Variants in TOP2B observed in about 807,000 individuals in gnomAD.
TOP2B encodes the protein DNA topoisomerase 2-beta.
Under a neutral mutation model 193.5 loss-of-function variants are expected in TOP2B, and 51 were observed. That is an observed-to-expected ratio of 0.26 (90% CI 0.21 to 0.33). TOP2B has a LOEUF of 0.33. TOP2B is among the 10% of genes least tolerant of loss of function. The pLI is 1.00. For missense variants in TOP2B, 1,378 were observed against 1,909.3 expected (o/e 0.72, Z 5.19); for synonymous variants, 634 against 635.7 (o/e 1.00, Z 0.04).
At chr3:25,647,426 A>C (rs1347513490) in intron 1 of TOP2B, among the ~76,000 whole-genome samples, 1 of 152,224 alleles carries the variant, frequency 6.6e-6, no homozygotes, top group South Asian at 2.1e-4. Flanking sequence ...CTGCTATTCT[A>C]AGTCTGCAAT....
chr3:25,605,508 TA>T (rs201196015), intron 32 of TOP2B, among the ~76,000 whole-genome samples: 2,025 of 152,196 alleles, frequency 0.013, 47 homozygotes, highest in African/African-American at 0.044. Flanking sequence ...CAAATATGTC[TA>T]AATGTATAGA....
intron 21 of TOP2B, among the ~76,000 whole-genome samples, chr3:25,621,406 G>A (rs2125366154): frequency 6.6e-6 from 1 of 152,262 alleles, no homozygotes; most frequent in Middle Eastern, 3.4e-3. Flanking sequence ...TTGTCACCCA[G>A]GCTGGAGTGC....
Position 25,623,551 on chromosome 3 carries a change from G to C in TOP2B, c.2691C>G (p.Val897=). 1 of 1,613,896 alleles carries C rather than the reference G, an allele frequency of 6.2e-7. No homozygotes were observed. Among genetic ancestry groups the C allele is most frequent in the Non-Finnish European group, 8.5e-7 (1 of 1,179,854 alleles). Residue 897 remains valine (V), a synonymous_variant, in exon 21 of 36, where the codon GTC becomes GTG. Coordinates refer to ENST00000264331, the MANE Select transcript of TOP2B (RefSeq NM_001330700.2). ...GATCCAGGCCATCTAGCATTCGTCT[G>C]ACATTGTTCACAATTTCCCTAGCAT... is the stretch of plus-strand genomic sequence containing the variant. ...NYDAREIVNN[V]RRMLDGLDPH...
chr3:25,630,513 T>A, intron 11 of TOP2B, 44 bp from the exon 12 acceptor site: 1 of 1,437,544 alleles, frequency 7.0e-7, no homozygotes, highest in South Asian at 1.4e-5. Context: ...TTTCTCATAC[T>A]TTCACTGATG....
chr3:25,656,012 T>A lies in TOP2B; in HGVS notation c.69+8217A>T, dbSNP rs1260320279. ...CACTTAATGGCTAAGACAGTAAATT[T>A]AATGTTGTATTTTTTTACAACAAAA... On this transcript the variant is annotated intron_variant, in intron 1 of 35. Coordinates refer to ENST00000264331, the MANE Select transcript of TOP2B (RefSeq NM_001330700.2). 2.6e-5 allele frequency among the ~76,000 whole-genome samples: 4 copies of A among 152,232 alleles called. No homozygotes were observed. The East Asian group carries it at 7.7e-4, about 29-fold the overall frequency.
chr3:25,603,927 C>T (rs903781734), intron 33 of TOP2B, among the ~76,000 whole-genome samples: 2 of 152,156 alleles, frequency 1.3e-5, no homozygotes, highest in Non-Finnish European at 2.9e-5. Flanking sequence ...AGTCCTCAGG[C>T]AACGAAAGGC....
intron 19 of TOP2B, 71 bp downstream of exon 19, chr3:25,624,611 A>G: frequency 6.3e-7 from 1 of 1,581,424 alleles, no homozygotes; most frequent in Non-Finnish European, 8.6e-7. Flanking sequence ...TAAAGGAAAA[A>G]TACTATGTGT....
chr3:25,659,957 T>C (rs746015209), intron 1 of TOP2B, among the ~76,000 whole-genome samples: 8 of 152,208 alleles, frequency 5.3e-5, no homozygotes, highest in Non-Finnish European at 1.0e-4. Flanking sequence ...GGAATAACTA[T>C]AGCTACTTCA....
In TOP2B at chr3:25,599,484, T is replaced by C. The variant is rs1427932181; in HGVS notation, c.4661A>G (p.Asn1554Ser). The C allele has an allele frequency of 1.1e-5, 17 of 1,613,578 alleles. No homozygotes were observed. Among genetic ancestry groups the C allele is most frequent in the Admixed American group, 3.3e-5 (2 of 59,986 alleles). Residue 1554 changes from asparagine (N) to serine (S), a missense_variant, in exon 35 of 36, where the codon AAT becomes AGT. Asn to Ser is a conservative substitution (Grantham distance 46). Coordinates refer to ENST00000264331, the MANE Select transcript of TOP2B (RefSeq NM_001330700.2). The part of the protein sequence containing the change: ...AKKRKASGSE[N>S]EGDYNPGRKT... ...CCTGCCAGGGTTATAATCGCCTTCA[T>C]TTTCAGAGCCAGATGCTTTCCTTTT...
intron 30 of TOP2B, 45 bp downstream of exon 30, chr3:25,609,138 T>A (rs1295573510): frequency 1.3e-5 from 20 of 1,483,576 alleles, no homozygotes; most frequent in Non-Finnish European, 1.8e-5. Context: ...TACCAACGTA[T>A]AGGTTAAACT....
rs769043942 is a variant in TOP2B at position 25,624,418 on chromosome 3, A to C, written c.2374T>G (p.Leu792Val). Residue 792 changes from leucine (L) to valine (V), a missense_variant, in exon 20 of 36, where the codon TTG (leucine) becomes GTG (valine). Leu to Val is a conservative substitution (Grantham distance 32, BLOSUM62 1). This residue lies in a region of TOP2B where 379 missense variants were observed against 615.1 expected (regional missense o/e 0.62). Transcript: ENST00000264331. ...TTACTTCCCACAAAGTTCTGAGCCAAATTCACAATAGTCATCATCAATGCT... is the reference window on the plus strand; with the variant it reads ...TTACTTCCCACAAAGTTCTGAGCCACATTCACAATAGTCATCATCAATGCT... ...EQALMMTIVN[L>V]AQNFVGSNNI... The C allele has an allele frequency of 6.2e-7, 1 of 1,613,938 alleles. No individual in the cohort carries two copies. The highest frequency in any genetic ancestry group is 1.7e-5 in the Admixed American group (1 of 60,014).
intron 25 of TOP2B, 174 bp downstream of exon 25, chr3:25,618,239 GTGTAC>G: frequency 3.5e-6 from 2 of 573,866 alleles, no homozygotes; most frequent in Admixed American, 3.0e-5. Flanking sequence ...TGTGGTGGGT[GTGTAC>G]TATAAATTCC....
chr3:25,611,201 G>C (rs1371709403), intron 28 of TOP2B, among the ~76,000 whole-genome samples: 1 of 152,104 alleles, frequency 6.6e-6, no homozygotes, highest in African/African-American at 2.4e-5. Flanking sequence ...TTACTTGAGG[G>C]GACCATATAA....
chr3:25,634,987 G>T (rs1422437041), intron 7 of TOP2B, among the ~76,000 whole-genome samples: 1 of 152,004 alleles, frequency 6.6e-6, no homozygotes, highest in East Asian at 1.9e-4. Flanking sequence ...CAAAGACTGG[G>T]ATGTAATGAG....
intron 10 of TOP2B, 123 bp from the exon 11 acceptor site, chr3:25,631,062 T>A: frequency 1.4e-6 from 1 of 721,378 alleles, no homozygotes; most frequent in South Asian, 3.4e-5. Flanking sequence ...GGCAAAACAA[T>A]AATGGTGATA....
chr3:25,612,337 C>T (rs1702392534), intron 28 of TOP2B, among the ~76,000 whole-genome samples, 178 bp downstream of exon 28: 1 of 152,172 alleles, frequency 6.6e-6, no homozygotes, highest in Admixed American at 6.5e-5. Flanking sequence ...ATATGTGATC[C>T]TTTACCAATA....
At chr3:25,600,672 A>G (rs542867952) in intron 34 of TOP2B, among the ~76,000 whole-genome samples, 2 of 152,358 alleles carry the variant, frequency 1.3e-5, no homozygotes, top group South Asian at 4.1e-4. Context: ...GCCATGGAGA[A>G]CTGGTGCTGT....
At chr3:25,647,230 G>A (rs1479239519) in intron 1 of TOP2B, among the ~76,000 whole-genome samples, 4 of 152,068 alleles carry the variant, frequency 2.6e-5, no homozygotes, top group Non-Finnish European at 5.9e-5. Flanking sequence ...ACATTTAAGG[G>A]CCAGGCGCAG....
In TOP2B at chr3:25,644,046, T is replaced by C. The variant is rs1160655679; in HGVS notation, c.241-262A>G. Among the ~76,000 whole-genome samples the C allele has an allele frequency of 2.6e-5, 4 of 152,002 alleles. No homozygotes were observed. Among genetic ancestry groups the C allele is most frequent in the Non-Finnish European group, 5.9e-5 (4 of 67,970 alleles). On this transcript the variant is annotated intron_variant, in intron 2 of 35. Transcript: ENST00000264331. ...ACATCAATAATTATTAGAAACAGTA[T>C]TAAATAGTTGAAAAAATAAAAACAT...
Sources: gnomAD v4.1 joint callset for allele counts (sites outside exome capture counted in the v4.1 genomes callset) on GRCh38, gnomAD v4.1.1 for gene constraint, gnomAD v4.1.1 regional missense constraint, MANE v1.5 for transcripts, NCBI Gene and HGNC (gene_info 2026-07-23, HGNC 2026-07-21) for gene names.